The following NEK1 variants were observed in gnomAD, a reference collection of about 807,000 sequenced individuals.
The protein encoded by NEK1 is serine/threonine-protein kinase Nek1.
A neutral mutation model predicts 182.1 loss-of-function variants in NEK1; 137 were observed. The ratio of observed to expected loss-of-function variants is 0.75; its 90% CI spans 0.65 to 0.87. The LOEUF (loss-of-function observed/expected upper bound fraction) is 0.87, where lower values mean the gene tolerates loss of function less well. Ranked by LOEUF, NEK1 falls within the 40% of genes least tolerant of loss-of-function variation. The pLI is 0.00. For missense variants in NEK1, 1,391 were observed against 1,494.4 expected (o/e 0.93, Z 1.14); for synonymous variants, 513 against 492.2 (o/e 1.04, Z -0.56).
rs771777914 is a variant in NEK1, at chr4:169,477,483, A to C, written c.2154T>G (p.Thr718=). The part of the protein sequence containing the change: ...LKEVGVDSSL[T]DTRETSEEMQ... ...TCTCTTCTGAAGTTTCCCGGGTATC[A>C]GTTAAACTACTGTCCTTTAAATGCA... The change falls in exon 25 of 36, where the codon ACT becomes ACG. Residue 718 remains threonine, a synonymous_variant. Coordinates refer to ENST00000507142, the MANE Select transcript of NEK1 (RefSeq NM_001199397.3). 6.2e-7 allele frequency: 1 copy of C among 1,606,282 alleles called. No homozygotes were observed. The highest frequency in any genetic ancestry group is 8.5e-7 in the Non-Finnish European group (1 of 1,175,626).
At chr4:169,533,063 A>G (rs1757930248) in intron 19 of NEK1, among the ~76,000 whole-genome samples, 1 of 152,208 alleles carries the variant, frequency 6.6e-6, no homozygotes, top group Non-Finnish European at 1.5e-5. Context: ...TAGTAGGCAG[A>G]ATTCTAAGGA....
chr4:169,422,820 T>G (rs1199469370), intron 31 of NEK1, among the ~76,000 whole-genome samples: 1 of 152,174 alleles, frequency 6.6e-6, no homozygotes, highest in Non-Finnish European at 1.5e-5. Context: ...GCAAAGAATA[T>G]TAACTTTATA....
chr4:169,470,330 C>T (rs906817379), intron 26 of NEK1, among the ~76,000 whole-genome samples: 1 of 151,916 alleles, frequency 6.6e-6, no homozygotes, highest in African/African-American at 2.4e-5. Flanking sequence ...CTGGTGGTAA[C>T]AAAATCCCTT....
chr4:169,585,185 T>C (rs1022125554), intron 10 of NEK1, among the ~76,000 whole-genome samples, 164 bp downstream of exon 10: 1 of 152,050 alleles, frequency 6.6e-6, no homozygotes, highest in African/African-American at 2.4e-5. Context: ...CAATACTCTG[T>C]CTGAAGAAAA....
chr4:169,403,786 A>C (rs1011525971), intron 32 of NEK1, among the ~76,000 whole-genome samples: 16 of 152,142 alleles, frequency 1.1e-4, no homozygotes, highest in African/African-American at 3.6e-4. Flanking sequence ...AATGAGCACC[A>C]AAAAACTTTA....
At chr4:169,590,114 C>T (rs1768194679) in intron 6 of NEK1, among the ~76,000 whole-genome samples, 1 of 152,066 alleles carries the variant, frequency 6.6e-6, no homozygotes, top group African/African-American at 2.4e-5. Flanking sequence ...TCAAGATCAG[C>T]CTGGCCAACA....
intron 26 of NEK1, among the ~76,000 whole-genome samples, 180 bp downstream of exon 26, chr4:169,476,944 C>T (rs1747060669): frequency 6.6e-6 from 1 of 152,012 alleles, no homozygotes; most frequent in African/African-American, 2.4e-5. Context: ...GATTAGTTTT[C>T]TCTGCTCTTC....
At chr4:169,454,038 C>G (rs1051957987) in intron 27 of NEK1, among the ~76,000 whole-genome samples, 1 of 152,128 alleles carries the variant, frequency 6.6e-6, no homozygotes, top group African/African-American at 2.4e-5. Context: ...CATCTACAAC[C>G]ATCTGATCTT....
intron 29 of NEK1, among the ~76,000 whole-genome samples, chr4:169,431,758 G>A (rs1219567085): frequency 4.0e-5 from 6 of 149,836 alleles, no homozygotes; most frequent in Non-Finnish European, 4.4e-5. Flanking sequence ...ATTAGACTCC[G>A]TCTCCACCAA....
rs546751645 is a variant in NEK1, at chr4:169,547,810, T to G, written c.1562+7910A>C. ...TCACGAAGTTCTCATGCAGTGTTTT[T>G]CAGCTCCATCAGGTCATTTATGTTC... On this transcript the variant is annotated intron_variant, in intron 18 of 35. Coordinates refer to ENST00000507142, the MANE Select transcript of NEK1 (RefSeq NM_001199397.3). Among the ~76,000 whole-genome samples, 36 of 152,356 alleles carry G rather than the reference T, an allele frequency of 2.4e-4. No individual in the cohort carries two copies. In the East Asian group the frequency reaches 5.0e-3, roughly 21 times the overall value.
chr4:169,506,977 C>T (rs1384276962), intron 23 of NEK1, 60 bp downstream of exon 23: 2 of 1,120,500 alleles, frequency 1.8e-6, no homozygotes, highest in Admixed American at 2.3e-5. Context: ...GATGTACTAC[C>T]CAGGAAGAGC....
In NEK1 at chr4:169,507,785, GCTT is replaced by G; in HGVS notation, c.1838_1840del (p.Glu613del). 1 of 1,611,852 alleles carries G rather than the reference GCTT, an allele frequency of 6.2e-7. No individual in the cohort carries two copies. On this transcript the variant is annotated inframe_deletion, in exon 22 of 36. Transcript: ENST00000507142. ...TCCTTCTTGTCCTTCAGAATGATTA[GCTT>G]CTTTCTACAAAATAAGTAGATAAGC... is the stretch of plus-strand genomic sequence containing the variant.
At chr4:169,396,394 A>AAAAAAAAAAAAG (rs1561111795) in intron 35 of NEK1, among the ~76,000 whole-genome samples, 1 of 142,278 alleles carries the variant, frequency 7.0e-6, no homozygotes, top group African/African-American at 2.7e-5. Context: ...AAAAAAAAAA[A>AAAAAAAAAAAAG]AAGAAGAATC....
chr4:169,451,047 A>G (rs904253928), intron 27 of NEK1, among the ~76,000 whole-genome samples: 12 of 152,238 alleles, frequency 7.9e-5, no homozygotes, highest in African/African-American at 2.9e-4. Flanking sequence ...GAAGGCCATT[A>G]CATAATGGTA....
At chr4:169,409,819 G>C (rs1733349975) in intron 31 of NEK1, among the ~76,000 whole-genome samples, 1 of 152,102 alleles carries the variant, frequency 6.6e-6, no homozygotes, top group Non-Finnish European at 1.5e-5. Flanking sequence ...GCAGGTGTAA[G>C]GTGGTATCTC....
chr4:169,585,180 CTCTG>C (rs1398708399), intron 10 of NEK1, among the ~76,000 whole-genome samples, 165 bp downstream of exon 10: 3 of 152,092 alleles, frequency 2.0e-5, no homozygotes, highest in Admixed American at 6.6e-5. Flanking sequence ...CAGAGCAATA[CTCTG>C]TCTGAAGAAA....
chr4:169,535,313 A>G (rs1291524013), intron 19 of NEK1, among the ~76,000 whole-genome samples: 1 of 152,140 alleles, frequency 6.6e-6, no homozygotes, highest in African/African-American at 2.4e-5. Flanking sequence ...ACAAGAGCGA[A>G]AACTCTGTCT....
chr4:169,533,977 G>C (rs1057094363), intron 19 of NEK1, among the ~76,000 whole-genome samples: 2 of 152,152 alleles, frequency 1.3e-5, no homozygotes, highest in African/African-American at 2.4e-5. Context: ...CAGAAAAATA[G>C]TCCTAAGAGT....
intron 27 of NEK1, among the ~76,000 whole-genome samples, chr4:169,442,312 A>C (rs1209005180): frequency 6.6e-6 from 1 of 152,200 alleles, no homozygotes; most frequent in Admixed American, 6.5e-5. Context: ...TAAGACACAC[A>C]GGAATTCACA....
Sources: allele counts gnomAD v4.1 joint callset (sites outside exome capture counted in the v4.1 genomes callset), GRCh38; gene constraint gnomAD v4.1.1; transcripts MANE v1.5; gene names NCBI Gene and HGNC (gene_info 2026-07-23, HGNC 2026-07-21).